GNAL: variants seen among roughly 807,000 people sequenced by gnomAD.
GNAL encodes the protein guanine nucleotide-binding protein G(olf) subunit alpha.
GNAL carries 18 observed loss-of-function variants against 55.1 expected under a neutral mutation model. The ratio of observed to expected loss-of-function variants is 0.33; its 90% CI spans 0.23 to 0.48. The LOEUF (loss-of-function observed/expected upper bound fraction) is 0.48, where lower values mean the gene tolerates loss of function less well. GNAL is among the 20% of genes least tolerant of loss of function. The probability of loss-of-function intolerance (pLI) is 0.99; values close to 1 mark genes in which losing one functional copy is unlikely to be tolerated. For missense variants in GNAL, 412 were observed against 614.1 expected (o/e 0.67, Z 3.48); for synonymous variants, 253 against 237.0 (o/e 1.07, Z -0.62).
intron 4 of GNAL, among the ~76,000 whole-genome samples, chr18:11,817,532 A>G (rs1482597491): frequency 6.6e-6 from 1 of 152,206 alleles, no homozygotes; most frequent in African/African-American, 2.4e-5. Flanking sequence ...GCTTCTTGCT[A>G]GGAAAGATGC....
At chr18:11,713,268 A>C (rs2031878940) in intron 1 of GNAL, among the ~76,000 whole-genome samples, 2 of 152,224 alleles carry the variant, frequency 1.3e-5, no homozygotes, top group Non-Finnish European at 2.9e-5. Context: ...CAGGCAGATG[A>C]GTGGGAAAGC....
chr18:11,786,431 G>A (rs1209859117), intron 4 of GNAL, among the ~76,000 whole-genome samples: 2 of 64,974 alleles, frequency 3.1e-5, no homozygotes, highest in Admixed American at 2.1e-4. Flanking sequence ...ATCTTCATAC[G>A]TTTTCTTTTT....
intron 4 of GNAL, among the ~76,000 whole-genome samples, chr18:11,780,876 CTT>C (rs1243514978): frequency 6.6e-6 from 1 of 152,172 alleles, no homozygotes; most frequent in Non-Finnish European, 1.5e-5. Flanking sequence ...ACACAGAAGA[CTT>C]TGACTTACAC....
chr18:11,709,189 T>G (rs890540952), intron 1 of GNAL, among the ~76,000 whole-genome samples: 1 of 152,214 alleles, frequency 6.6e-6, no homozygotes, highest in African/African-American at 2.4e-5. Flanking sequence ...CATACTGTTT[T>G]AATTACTGTA....
chr18:11,876,494 T>C, intron 10 of GNAL, 127 bp from the exon 11 acceptor site: 1 of 688,348 alleles, frequency 1.5e-6, no homozygotes, highest in Non-Finnish European at 2.6e-6. Flanking sequence ...TGTTTTTGCC[T>C]TGCTGTACAT....
At chr18:11,817,692 T>C (rs563331337) in intron 4 of GNAL, among the ~76,000 whole-genome samples, 1 of 152,086 alleles carries the variant, frequency 6.6e-6, no homozygotes, top group Non-Finnish European at 1.5e-5. Flanking sequence ...CAGGTTCCAG[T>C]GATCTCCTGT....
In GNAL at chr18:11,859,193, C is replaced by T. The variant is rs538002047; in HGVS notation, c.723-3202C>T. The stretch of plus-strand genomic sequence containing the variant: ...CATCAGAGCGAATTCATTTCTGTAT[C>T]CTTTGCTCTGGACCCTGTCAAAAGT... On this transcript the variant is annotated intron_variant, in intron 5 of 11. Coordinates refer to ENST00000334049, the MANE Select transcript of GNAL (RefSeq NM_182978.4). 1.4e-3 allele frequency among the ~76,000 whole-genome samples: 211 copies of T among 152,282 alleles called. 2 individuals are homozygous for T. The highest frequency in any genetic ancestry group is 3.7e-3 in the South Asian group (18 of 4,826).
intron 1 of GNAL, among the ~76,000 whole-genome samples, chr18:11,692,050 G>T (rs2143279388): frequency 6.6e-6 from 1 of 152,258 alleles, no homozygotes; most frequent in African/African-American, 2.4e-5. Context: ...ACTACTTGTT[G>T]CCTTTTAAAT....
At chr18:11,879,127 T>C (rs560236521) in intron 11 of GNAL, among the ~76,000 whole-genome samples, 3 of 149,690 alleles carry the variant, frequency 2.0e-5, no homozygotes, top group Non-Finnish European at 4.4e-5. Context: ...ATATTAAAAA[T>C]ATATATATAT....
chr18:11,857,133 T>TA (rs11464925), intron 5 of GNAL: 20,421 of 148,430 alleles, frequency 0.14, 2,081 homozygotes, highest in African/African-American at 0.29. Flanking sequence ...ACCCAGATGT[T>TA]AAAAAAAAAA....
At position 11,883,470 on chromosome 18, in the gene GNAL, CT is replaced by C. The variant is rs1360487479; in HGVS notation, c.*2339del. 1 of 153,424 alleles carries C rather than the reference CT, an allele frequency of 6.5e-6. No homozygotes were observed. The highest frequency in any genetic ancestry group is 1.5e-5 in the Non-Finnish European group (1 of 68,014). 9.5% of individuals were successfully genotyped at this position (153,424 alleles called of 1,614,324 possible). On this transcript the variant is annotated 3_prime_UTR_variant, in exon 12 of 12. Coordinates refer to ENST00000334049, the MANE Select transcript of GNAL (RefSeq NM_182978.4). ...TTAAGAAAAAAAACAAAAAGAATAA[CT>C]TTTATCTGGCTTACAATTATTAAAG... is the stretch of plus-strand genomic sequence containing the variant.
intron 4 of GNAL, among the ~76,000 whole-genome samples, chr18:11,802,911 C>T (rs371972815): frequency 2.0e-5 from 3 of 152,102 alleles, no homozygotes; most frequent in East Asian, 1.9e-4. Context: ...GAGAGGTACC[C>T]GGGCTGTGTG....
At position 11,703,690 on chromosome 18, in the gene GNAL, C is replaced by T. The variant is rs28578108; in HGVS notation, c.376+13751C>T. The stretch of plus-strand genomic sequence containing the variant: ...GATACTTAACTTTCAGATCCATTTC[C>T]GTTTTTTGCTCTAATGACATTTTCT... On this transcript the variant is annotated intron_variant, in intron 1 of 11. Transcript: ENST00000334049. Among the ~76,000 whole-genome samples the T allele has an allele frequency of 2.5e-3, 386 of 152,076 alleles. 4 individuals are homozygous for T. Among genetic ancestry groups the T allele is most frequent in the African/African-American group, 8.4e-3 (348 of 41,500 alleles).
intron 4 of GNAL, among the ~76,000 whole-genome samples, chr18:11,765,011 C>T (rs777184822): frequency 3.3e-5 from 5 of 152,074 alleles, no homozygotes; most frequent in African/African-American, 4.8e-5. Flanking sequence ...GCACAGGCTG[C>T]CCCATAAAAA....
rs2032534836 is a variant in GNAL, at chr18:11,739,672, G to T, written c.377-13181G>T. Among the ~76,000 whole-genome samples, 2 of 149,972 alleles carry T rather than the reference G, an allele frequency of 1.3e-5. 1 individual carries two copies. Among genetic ancestry groups the T allele is most frequent in the African/African-American group, 4.9e-5 (2 of 40,632 alleles). On this transcript the variant is annotated intron_variant, in intron 1 of 11. Coordinates refer to ENST00000334049, the MANE Select transcript of GNAL (RefSeq NM_182978.4). ...TTTTTTAATTTTAGGTTTGCCCGATGTTTCCTCCTGACTTAAATTCAGGAA... is the reference window on the plus strand; with the variant it reads ...TTTTTTAATTTTAGGTTTGCCCGATTTTTCCTCCTGACTTAAATTCAGGAA...
At chr18:11,759,484 GT>G (rs1228857857) in intron 4 of GNAL, among the ~76,000 whole-genome samples, 2 of 152,262 alleles carry the variant, frequency 1.3e-5, no homozygotes, top group Admixed American at 6.5e-5. Context: ...AGAGGTCAGT[GT>G]TTTGCCTTCC....
Position 11,689,491 on chromosome 18 carries a change from C to G in GNAL, c.-73C>G, listed in dbSNP as rs1042963344. On this transcript the variant is annotated 5_prime_UTR_variant, in exon 1 of 12. Coordinates refer to ENST00000334049, the MANE Select transcript of GNAL (RefSeq NM_182978.4). ...CGCTGAGGCGCCGGCCTGAACTGGG[C>G]GCGGGAACCAGGCCGCCCTCGGCGC... The G allele has an allele frequency of 3.4e-5, 23 of 685,514 alleles. No homozygotes were observed. In the African/African-American group the frequency reaches 3.9e-4, roughly 12 times the overall value. The allele number at this position is 685,514 out of a possible 1,614,324, so 42.5% of individuals were successfully genotyped here. A position where few individuals can be genotyped will look rare whatever the true frequency, so the allele number is the denominator to read the frequency against.
intron 1 of GNAL, among the ~76,000 whole-genome samples, chr18:11,744,360 A>T (rs192935820): frequency 6.6e-6 from 1 of 152,358 alleles, no homozygotes; most frequent in African/African-American, 2.4e-5. Context: ...TGTACAGAAA[A>T]GGAAAATGGA....
intron 1 of GNAL, among the ~76,000 whole-genome samples, chr18:11,715,547 C>T (rs569732730): frequency 4.6e-5 from 7 of 151,652 alleles, no homozygotes; most frequent in African/African-American, 1.7e-4. Context: ...GTCAGGAAGG[C>T]TTTGTTGAGA....
Sources: allele counts gnomAD v4.1 joint callset (sites outside exome capture counted in the v4.1 genomes callset), GRCh38; gene constraint gnomAD v4.1.1; transcripts MANE v1.5; gene names NCBI Gene and HGNC (gene_info 2026-07-23, HGNC 2026-07-21).